PKD1L1: variants seen among roughly 807,000 people sequenced by gnomAD.
The protein encoded by PKD1L1 is polycystin-1-like protein 1.
PKD1L1 carries 236 observed loss-of-function variants against 323.4 expected under a neutral mutation model. The ratio of observed to expected loss-of-function variants is 0.73; its 90% CI spans 0.66 to 0.81. The LOEUF is 0.81. Among genes scored for constraint, PKD1L1 ranks in the 40% least tolerant of loss-of-function variants. The pLI is 0.00. For synonymous variants in PKD1L1, 1,344 were observed against 1,335.0 expected (o/e 1.01, Z -0.15); for missense variants, 3,320 against 3,508.0 (o/e 0.95, Z 1.35).
At chr7:47,865,163 C>G in intron 26 of PKD1L1, 53 bp downstream of exon 26, 1 of 1,296,666 alleles carries the variant, frequency 7.7e-7, no homozygotes, top group Non-Finnish European at 1.1e-6. Context: ...CTGATCATGT[C>G]CCTCAAAACT....
intron 44 of PKD1L1, 71 bp downstream of exon 44, chr7:47,829,354 C>A: frequency 7.1e-7 from 1 of 1,402,436 alleles, no homozygotes; most frequent in South Asian, 1.5e-5. Context: ...AGCCTACATT[C>A]AGATATGCAT....
At chr7:47,866,736 G>A in intron 24 of PKD1L1, 122 bp from the exon 25 acceptor site, 1 of 727,038 alleles carries the variant, frequency 1.4e-6, no homozygotes, top group South Asian at 2.1e-5. Context: ...AGGGTAGAAA[G>A]AGAATGATAC....
intron 4 of PKD1L1, among the ~76,000 whole-genome samples, chr7:47,934,754 T>A (rs759920694): frequency 1.1e-4 from 17 of 152,156 alleles, no homozygotes; most frequent in Admixed American, 2.6e-4. Context: ...AGGGACTGGC[T>A]TGGGGGTGGG....
chr7:47,960,110 C>A, the PKD1L1 span, among the ~76,000 whole-genome samples: 1 of 151,418 alleles, frequency 6.6e-6, no homozygotes, highest in African/African-American at 2.4e-5. Context: ...TGTGTCCACT[C>A]AGGGTTAAAT....
In PKD1L1 at chr7:47,885,706, C is replaced by T. The variant is rs761346993; in HGVS notation, c.3185G>A (p.Ser1062Asn). The change falls in exon 18 of 57, where the codon AGC becomes AAC. Residue 1062 changes from serine to asparagine, a missense_variant. Physicochemically the swap from Ser to Asn is conservative, Grantham distance 46. Coordinates refer to ENST00000289672, the MANE Select transcript of PKD1L1 (RefSeq NM_138295.5). ...GRSERSQPTHSPDPHLSDFEA... is the reference protein window; with the variant it reads ...GRSERSQPTHNPDPHLSDFEA... ...CTTACCAGAGAGGTGAGGGTCAGGG[C>T]TGTGGGTGGGCTGACTTCTCTCAGA... 2 of 1,613,464 alleles carry T rather than the reference C, an allele frequency of 1.2e-6. No individual in the cohort carries two copies. The highest frequency in any genetic ancestry group is 1.7e-5 in the Admixed American group (1 of 59,996).
chr7:47,886,768 C>A (rs1034383325), intron 17 of PKD1L1, among the ~76,000 whole-genome samples: 2 of 152,138 alleles, frequency 1.3e-5, no homozygotes, highest in African/African-American at 4.8e-5. Flanking sequence ...TCTGCAGAAC[C>A]ATAAGCCAAA....
intron 55 of PKD1L1, chr7:47,795,304 T>C (rs923518951): frequency 2.2e-6 from 1 of 454,660 alleles, no homozygotes; most frequent in African/African-American, 2.0e-5. Context: ...CTTGTGATAG[T>C]GAAGAAGTCT....
chr7:47,864,576 T>TTTTCTTTCTTTCTTTC (rs199500886), intron 26 of PKD1L1, among the ~76,000 whole-genome samples: 1,207 of 107,604 alleles, frequency 0.011, 35 homozygotes, highest in East Asian at 0.02. Flanking sequence ...TTTTTCTTTC[T>TTTTCTTTCTTTCTTTC]TTTCTTTCTT....
At chr7:47,807,401 T>C (rs1462307371) in intron 52 of PKD1L1, among the ~76,000 whole-genome samples, 2 of 151,856 alleles carry the variant, frequency 1.3e-5, no homozygotes, top group Non-Finnish European at 2.9e-5. Context: ...GTGGGGCAGA[T>C]GAATGGACCT....
intron 17 of PKD1L1, among the ~76,000 whole-genome samples, chr7:47,886,764 G>GAATCATAAGCCAAAATA (rs1224240388): frequency 6.6e-6 from 1 of 152,128 alleles, no homozygotes; most frequent in Non-Finnish European, 1.5e-5. Context: ...ACAGTCTGCA[G>GAATCATAAGCCAAAATA]AACCATAAGC....
intron 32 of PKD1L1, 75 bp downstream of exon 32, chr7:47,846,804 G>C (rs746180943): frequency 3.2e-5 from 44 of 1,380,172 alleles, no homozygotes; most frequent in Non-Finnish European, 4.3e-5. Flanking sequence ...AAAGGCTCTA[G>C]GGGTTGGGCC....
intron 31 of PKD1L1, among the ~76,000 whole-genome samples, chr7:47,852,830 C>T (rs1041190007): frequency 6.6e-6 from 1 of 152,042 alleles, no homozygotes. Context: ...CAGGCAAAGA[C>T]TTAGCCTGAG....
chr7:47,939,890 C>T (rs976935844), intron 3 of PKD1L1, among the ~76,000 whole-genome samples: 4 of 151,696 alleles, frequency 2.6e-5, no homozygotes, highest in African/African-American at 9.7e-5. Context: ...GAGGCAGCCC[C>T]TACTCCCCAC....
chr7:47,795,152 G>A lies in PKD1L1; in HGVS notation c.8355+837C>T, dbSNP rs1018445268. 5.6e-5 allele frequency: 16 copies of A among 284,530 alleles called. No homozygotes were observed. In the East Asian group the frequency reaches 1.9e-3, roughly 34 times the overall value. The allele number at this position is 284,530 out of a possible 1,614,324, so 17.6% of individuals were successfully genotyped here. ...ATGTGAGGACATGAGATTTGGAGGG[G>A]GCCAGGAGCAGAATGATATTGTTTG... On this transcript the variant is annotated intron_variant, in intron 55 of 56. Coordinates refer to ENST00000289672, the MANE Select transcript of PKD1L1 (RefSeq NM_138295.5).
chr7:47,866,602 G>A lies in PKD1L1; in HGVS notation c.3909C>T (p.Ser1303=). Residue 1303 remains serine, a synonymous_variant, in exon 25 of 57, where the codon AGC becomes AGT. Coordinates refer to ENST00000289672, the MANE Select transcript of PKD1L1 (RefSeq NM_138295.5). ...DCLGEDLYNS[S]LKNLSTLQLM... ...GCTGGAGGGTAGAAAGGTTTTTCAG[G>A]CTGGAATTATACCTGAAGGAAACAC... 8.1e-6 allele frequency: 13 copies of A among 1,605,968 alleles called. No homozygotes were observed. Among genetic ancestry groups the A allele is most frequent in the Non-Finnish European group, 1.1e-5 (13 of 1,175,384 alleles).
In PKD1L1 at chr7:47,888,106, T is replaced by C; in HGVS notation, c.2720A>G (p.Asn907Ser). The change falls in exon 17 of 57, where the codon AAC (asparagine) becomes AGC (serine). Residue 907 changes from asparagine to serine, a missense_variant. Transcript: ENST00000289672. The part of the protein sequence containing the change: ...SWVSFKDTFV[N>S]WNDELSLQAM... ...TTGAAGAGAGAGTTCGTCATTCCAG[T>C]TGACGAAGGTGTCTTTAAAGCTGAC... 6.2e-7 allele frequency: 1 copy of C among 1,614,092 alleles called. No homozygotes were observed. Among genetic ancestry groups the C allele is most frequent in the Non-Finnish European group, 8.5e-7 (1 of 1,179,922 alleles).
intron 24 of PKD1L1, among the ~76,000 whole-genome samples, chr7:47,868,260 T>C (rs180858801): frequency 2.0e-5 from 3 of 152,212 alleles, no homozygotes; most frequent in East Asian, 3.9e-4. Flanking sequence ...TCCCAGCTAC[T>C]TGGGAGGCTG....
upstream of PKD1L1, among the ~76,000 whole-genome samples, chr7:47,949,990 C>A (rs1464264486): frequency 2.0e-5 from 3 of 152,192 alleles, no homozygotes; most frequent in African/African-American, 7.2e-5. Context: ...GGCTTTGTCC[C>A]CACTGTGCTT....
chr7:47,836,639 G>A (rs1046228005), intron 37 of PKD1L1, among the ~76,000 whole-genome samples: 18 of 152,134 alleles, frequency 1.2e-4, no homozygotes, highest in African/African-American at 4.1e-4. Flanking sequence ...AAAGACAACC[G>A]GCTGCCAGCC....
Sources: gnomAD v4.1 joint callset for allele counts (sites outside exome capture counted in the v4.1 genomes callset) on GRCh38, gnomAD v4.1.1 for gene constraint, MANE v1.5 for transcripts, NCBI Gene and HGNC (gene_info 2026-07-23, HGNC 2026-07-21) for gene names.